Variants in SLC5A8 observed in about 807,000 individuals in gnomAD.
The protein encoded by SLC5A8 is sodium-coupled monocarboxylate transporter 1.
Under a neutral mutation model 71.9 loss-of-function variants are expected in SLC5A8, and 55 were observed. The observed-to-expected ratio is 0.77, with a 90% CI of 0.62 to 0.96. SLC5A8 has a LOEUF of 0.96. SLC5A8 is among the 40% of genes least tolerant of loss of function. The probability of loss-of-function intolerance (pLI) is 0.00; values close to 1 mark genes in which losing one functional copy is unlikely to be tolerated. For missense variants in SLC5A8, 701 were observed against 745.3 expected (o/e 0.94, Z 0.69); for synonymous variants, 307 against 276.1 (o/e 1.11, Z -1.11).
In SLC5A8 at chr12:101,190,470, T is replaced by G. The variant is rs1868845389; in HGVS notation, c.831A>C (p.Lys277Asn). The change falls in exon 6 of 15, where the codon AAA (lysine) becomes AAC (asparagine). Residue 277 changes from lysine (K) to asparagine (N), a missense_variant and splice_region_variant. Physicochemically the swap from Lys to Asn is moderately conservative, Grantham distance 94. Coordinates refer to ENST00000536262, the MANE Select transcript of SLC5A8 (RefSeq NM_145913.5). ...YISCKSRFQA[K>N]LSLYINLVGL... Reference sequence around the variant, plus strand: ...ATATACCATGGTGTGTGACTTACAGTTTTGCCTGGAATCTGCTTTTACAAG... The same window carrying G: ...ATATACCATGGTGTGTGACTTACAGGTTTGCCTGGAATCTGCTTTTACAAG... The G allele has an allele frequency of 6.2e-7, 1 of 1,612,170 alleles. No individual in the cohort carries two copies. Among genetic ancestry groups the G allele is most frequent in the African/African-American group, 1.3e-5 (1 of 74,788 alleles).
intron 10 of SLC5A8, among the ~76,000 whole-genome samples, chr12:101,169,302 G>A (rs2051805547): frequency 2.0e-5 from 3 of 152,196 alleles, no homozygotes; most frequent in Non-Finnish European, 4.4e-5. Flanking sequence ...TTGGAGTTAT[G>A]ATGACTTTGC....
At chr12:101,163,341 C>A (rs1482423512) in intron 12 of SLC5A8, among the ~76,000 whole-genome samples, 1 of 152,094 alleles carries the variant, frequency 6.6e-6, no homozygotes, top group African/African-American at 2.4e-5. Context: ...AAACCTGGGG[C>A]ATGGGGAGGG....
intron 3 of SLC5A8, chr12:101,199,322 T>C (rs1034473164): frequency 2.6e-5 from 4 of 152,008 alleles, no homozygotes; most frequent in Admixed American, 1.3e-4. Context: ...GCAAGGGCCA[T>C]GCTAATATTC....
At chr12:101,167,720 T>C (rs2051786882) in intron 11 of SLC5A8, among the ~76,000 whole-genome samples, 1 of 152,240 alleles carries the variant, frequency 6.6e-6, no homozygotes, top group African/African-American at 2.4e-5. Flanking sequence ...TGCTGTGCTA[T>C]GGCTATTCAC....
intron 5 of SLC5A8, among the ~76,000 whole-genome samples, chr12:101,192,333 A>G (rs1302928863): frequency 1.3e-5 from 2 of 152,232 alleles, no homozygotes; most frequent in African/African-American, 2.4e-5. Context: ...ACCCTGTCCA[A>G]TTTCTGAAAA....
In SLC5A8 at chr12:101,195,138, G is replaced by A. The variant is rs777115655; in HGVS notation, c.494C>T (p.Ala165Val). The A allele has an allele frequency of 1.8e-5, 29 of 1,613,880 alleles. No individual in the cohort carries two copies. Among genetic ancestry groups the A allele is most frequent in the African/African-American group, 5.3e-5 (4 of 74,858 alleles). The stretch of plus-strand genomic sequence containing the variant: ...GCAGACCACCCCCGTTGCCACTACC[G>A]CGCCCCACAGATCAAATCCTGTGAC... ...NQVTGFDLWG[A>V]VVATGVVCTF... is the part of the protein sequence containing the mutation. Residue 165 changes from alanine to valine, a missense_variant, in exon 4 of 15, where the codon GCG becomes GTG. Ala to Val is a moderately conservative substitution (Grantham distance 64). Transcript: ENST00000536262.
intron 3 of SLC5A8, among the ~76,000 whole-genome samples, chr12:101,196,612 T>C (rs1247932264): frequency 3.3e-5 from 5 of 152,126 alleles, no homozygotes; most frequent in Non-Finnish European, 5.9e-5. Context: ...TAACTGTATA[T>C]CAAGTTTGTG....
rs751989530 is a variant in SLC5A8 at position 101,156,250 on chromosome 12, A to G, written c.*1029T>C. 9 of 152,232 alleles carry G rather than the reference A, an allele frequency of 5.9e-5. No homozygotes were observed. The highest frequency in any genetic ancestry group is 1.0e-4 in the Non-Finnish European group (7 of 68,038). The allele number at this position is 152,232 out of a possible 1,614,324, so 9.4% of individuals were successfully genotyped here. ...ATGTATCTTTAATTGATTGCAAATT[A>G]GTTGACATTCAAAAGTTCAACTTAA... On this transcript the variant is annotated 3_prime_UTR_variant, in exon 15 of 15. Transcript: ENST00000536262.
chr12:101,184,364 AAACTGTTT>A, intron 7 of SLC5A8, 142 bp from the exon 8 acceptor site: 1 of 683,652 alleles, frequency 1.5e-6, no homozygotes, highest in Non-Finnish European at 2.5e-6. Flanking sequence ...ACCTAAAATT[AAACTGTTT>A]AACTACTAAC....
Position 101,182,838 on chromosome 12 carries a change from G to A in SLC5A8, c.1130C>T (p.Ser377Leu), listed in dbSNP as rs772676494. 1.9e-6 allele frequency: 3 copies of A among 1,594,156 alleles called. No homozygotes were observed. Among genetic ancestry groups the A allele is most frequent in the Non-Finnish European group, 2.6e-6 (3 of 1,173,006 alleles). ...DLIKPYFRSL[S>L]ERSLSWISQG... is the part of the protein sequence containing the mutation. ...GGAAATCCAAGACAGAGACCTTTCT[G>A]AGAGCGATCTGAAGTAAGGTTTGAT... Residue 377 changes from serine (S) to leucine (L), a missense_variant, in exon 9 of 15, where the codon TCA (serine) becomes TTA (leucine). Ser to Leu is a moderately radical substitution (Grantham distance 145, BLOSUM62 -2). Transcript: ENST00000536262.
At chr12:101,195,886 C>G (rs1469594610) in intron 3 of SLC5A8, among the ~76,000 whole-genome samples, 1 of 151,712 alleles carries the variant, frequency 6.6e-6, no homozygotes, top group Non-Finnish European at 1.5e-5. Context: ...TTAGTAGAGA[C>G]GGGTTTCACC....
chr12:101,158,590 C>CTA (rs2051693382), intron 13 of SLC5A8, among the ~76,000 whole-genome samples: 22 of 31,522 alleles, frequency 7.0e-4, no homozygotes, highest in Admixed American at 9.3e-4. Context: ...CTCTCTCTCT[C>CTA]TCTCTCTCTA....
chr12:101,178,840 T>A (rs1432949056), intron 10 of SLC5A8, among the ~76,000 whole-genome samples: 2 of 150,038 alleles, frequency 1.3e-5, no homozygotes, highest in East Asian at 3.9e-4. Flanking sequence ...AAAATGCACT[T>A]TGACAGACCC....
chr12:101,194,035 A>C (rs1010314594), intron 4 of SLC5A8, among the ~76,000 whole-genome samples: 1 of 152,230 alleles, frequency 6.6e-6, no homozygotes, highest in Non-Finnish European at 1.5e-5. Flanking sequence ...TAAAGGAGTG[A>C]AACTACATGG....
intron 10 of SLC5A8, among the ~76,000 whole-genome samples, chr12:101,177,417 C>T (rs1245007761): frequency 6.7e-6 from 1 of 148,948 alleles, no homozygotes; most frequent in Non-Finnish European, 1.5e-5. Context: ...CTAGTATAAC[C>T]CTGCTATCAA....
At chr12:101,162,184 G>A in intron 12 of SLC5A8, 107 bp from the exon 13 acceptor site, 1 of 709,882 alleles carries the variant, frequency 1.4e-6, no homozygotes, top group Non-Finnish European at 2.4e-6. Flanking sequence ...ACTTAATAAT[G>A]TTTTTAATGT....
At chr12:101,204,037 G>T (rs1175050988) in intron 2 of SLC5A8, among the ~76,000 whole-genome samples, 1 of 152,144 alleles carries the variant, frequency 6.6e-6, no homozygotes, top group Non-Finnish European at 1.5e-5. Context: ...TTTAAAGTAC[G>T]ATTTCAAAGA....
intron 10 of SLC5A8, among the ~76,000 whole-genome samples, chr12:101,176,577 TAAAG>T (rs1009425935): frequency 2.2e-4 from 34 of 152,140 alleles, no homozygotes; most frequent in African/African-American, 7.9e-4. Flanking sequence ...ACTGAAATCA[TAAAG>T]AGTGTGTTCT....
chr12:101,194,361 A>G (rs1194569842), intron 4 of SLC5A8, among the ~76,000 whole-genome samples: 2 of 152,202 alleles, frequency 1.3e-5, no homozygotes, highest in Non-Finnish European at 2.9e-5. Context: ...GGATTCCATA[A>G]GATTTTCTCA....
Sources: allele counts gnomAD v4.1 joint callset (sites outside exome capture counted in the v4.1 genomes callset), GRCh38; gene constraint gnomAD v4.1.1; transcripts MANE v1.5; gene names NCBI Gene and HGNC (gene_info 2026-07-23, HGNC 2026-07-21).